Variants in SAMD5 observed in about 807,000 individuals in gnomAD.
The protein encoded by SAMD5 is sterile alpha motif domain-containing protein 5.
Under a neutral mutation model 11.3 loss-of-function variants are expected in SAMD5, and 13 were observed. The observed-to-expected ratio is 1.15, with a 90% CI of 0.75 to 1.83. SAMD5 has a LOEUF of 1.83. SAMD5 is among the 40% of genes most tolerant of loss of function. SAMD5 has a pLI of 0.00. For synonymous variants in SAMD5, 129 were observed against 111.3 expected, an observed-to-expected ratio of 1.16 and a Z score of -1.00; for missense variants, 255 against 239.1, an observed-to-expected ratio of 1.07 and a Z score of -0.44.
chr6:147,767,505 G>T, the SAMD5 span, among the ~76,000 whole-genome samples: 1 of 149,778 alleles, frequency 6.7e-6, no homozygotes, highest in Non-Finnish European at 1.5e-5. Flanking sequence ...CCCCAATATG[G>T]TATTTGGAGG....
At chr6:147,594,644 T>A (rs1262594145) in intron 1 of SAMD5, among the ~76,000 whole-genome samples, 1 of 151,732 alleles carries the variant, frequency 6.6e-6, no homozygotes, top group Non-Finnish European at 1.5e-5. Flanking sequence ...GACAGGAGGA[T>A]GGAGCAGGGG....
chr6:147,575,346 T>C (rs1453511529), intron 1 of SAMD5, among the ~76,000 whole-genome samples: 1 of 152,254 alleles, frequency 6.6e-6, no homozygotes, highest in East Asian at 1.9e-4. Context: ...CCAGAAGCTG[T>C]CTGCAGAAAG....
the SAMD5 span, among the ~76,000 whole-genome samples, chr6:147,808,765 T>C: frequency 6.6e-6 from 1 of 152,188 alleles, no homozygotes; most frequent in African/African-American, 2.4e-5. Flanking sequence ...TCATCAGCTG[T>C]ATATGAAACC....
rs1789111918 is a variant in SAMD5 at position 147,569,988 on chromosome 6, C to T, written c.*5532C>T. The T allele has an allele frequency of 4.1e-6, 4 of 984,740 alleles. No homozygotes were observed. Among genetic ancestry groups the T allele is most frequent in the Admixed American group, 6.1e-5 (1 of 16,262 alleles). 61.0% of individuals were successfully genotyped at this position (984,740 alleles called of 1,614,324 possible). A position where few individuals can be genotyped will look rare whatever the true frequency, so the allele number is the denominator to read the frequency against. On this transcript the variant is annotated 3_prime_UTR_variant, in exon 2 of 2. Transcript: ENST00000367474. ...CACACTGTGATTTGCAAACATATGT[C>T]CGCTCTTCAATAAATGTTACGGCTT...
chr6:147,626,439 CT>C (rs984137422), intron 1 of SAMD5, among the ~76,000 whole-genome samples: 21 of 150,398 alleles, frequency 1.4e-4, no homozygotes, highest in African/African-American at 5.1e-4. Context: ...ATTTTCTGAT[CT>C]ATGTTTTTGT....
intron 1 of SAMD5, among the ~76,000 whole-genome samples, chr6:147,683,085 C>A (rs559098600): frequency 3.5e-4 from 54 of 152,272 alleles, no homozygotes; most frequent in African/African-American, 1.3e-3. Context: ...TCATCCATAT[C>A]CCCAACTCTG....
chr6:147,856,804 T>C, the SAMD5 span, among the ~76,000 whole-genome samples: 2 of 126,944 alleles, frequency 1.6e-5, no homozygotes, highest in African/African-American at 7.2e-5. Flanking sequence ...GCTTAATGAC[T>C]TAGTTTTCTG....
intron 1 of SAMD5, among the ~76,000 whole-genome samples, chr6:147,547,849 A>C (rs532938985): frequency 1.3e-5 from 2 of 152,314 alleles, no homozygotes; most frequent in Non-Finnish European, 2.9e-5. Flanking sequence ...TTTTTCATGG[A>C]ACCTGTAGTT....
chr6:147,834,378 T>C, the SAMD5 span, among the ~76,000 whole-genome samples: 1 of 152,236 alleles, frequency 6.6e-6, no homozygotes, highest in Non-Finnish European at 1.5e-5. Flanking sequence ...TGTTATTGTT[T>C]TGAAGAAGCA....
At position 147,567,939 on chromosome 6, in the gene SAMD5, A is replaced by ACAAAG; in HGVS notation, c.*3487_*3488insGCAAA. 1.0e-6 allele frequency: 1 copy of ACAAAG among 986,076 alleles called. No homozygotes were observed. The highest frequency in any genetic ancestry group is 1.2e-6 in the Non-Finnish European group (1 of 830,486). The allele number at this position is 986,076 out of a possible 1,614,324, so 61.1% of individuals were successfully genotyped here. A position where few individuals can be genotyped will look rare whatever the true frequency, so the allele number is the denominator to read the frequency against. ...CCGTCTCAAAACAAAACAAAACAAAACAAAACAGCAAATTCATAAAGGCCA... is the reference window on the plus strand; with the variant it reads ...CCGTCTCAAAACAAAACAAAACAAAACAAAGCAAAACAGCAAATTCATAAAGGCCA... On this transcript the variant is annotated 3_prime_UTR_variant, in exon 2 of 2. Transcript: ENST00000367474.
At chr6:147,720,076 G>T (rs1274004947) in intron 1 of SAMD5, among the ~76,000 whole-genome samples, 2 of 152,172 alleles carry the variant, frequency 1.3e-5, no homozygotes, top group African/African-American at 4.8e-5. Flanking sequence ...ATGCAGAATT[G>T]CAATGACTGT....
chr6:147,778,066 T>G, the SAMD5 span, among the ~76,000 whole-genome samples: 1 of 152,216 alleles, frequency 6.6e-6, no homozygotes, highest in East Asian at 1.9e-4. Context: ...GCAGTTACTT[T>G]TTCACAGTTT....
chr6:147,807,084 TTTTTG>T, the SAMD5 span, among the ~76,000 whole-genome samples: 1 of 152,056 alleles, frequency 6.6e-6, no homozygotes, highest in African/African-American at 2.4e-5. Context: ...CTGTTGTTTT[TTTTTG>T]TTTTGTTTTG....
the SAMD5 span, among the ~76,000 whole-genome samples, chr6:147,836,260 C>T: frequency 1.6e-3 from 245 of 152,282 alleles, no homozygotes; most frequent in South Asian, 3.3e-3. Flanking sequence ...GATTACTCTT[C>T]CAAGTTCTAT....
intron 1 of SAMD5, among the ~76,000 whole-genome samples, chr6:147,510,341 C>A (rs143578458): frequency 0.018 from 2,729 of 152,276 alleles, 48 homozygotes; most frequent in Non-Finnish European, 0.023. Flanking sequence ...CTAGTTCAGG[C>A]GGCTGTCGGA....
chr6:147,594,218 AT>A (rs1339846237), intron 1 of SAMD5, among the ~76,000 whole-genome samples: 1 of 152,154 alleles, frequency 6.6e-6, no homozygotes, highest in African/African-American at 2.4e-5. Context: ...CCATTTGTGA[AT>A]TGTCAATAGC....
the SAMD5 span, among the ~76,000 whole-genome samples, chr6:147,922,964 C>T: frequency 0.011 from 1,711 of 152,154 alleles, 18 homozygotes; most frequent in Non-Finnish European, 0.016. Context: ...CCAACTCTGC[C>T]CCTGCACCCC....
At chr6:147,858,508 A>G in the SAMD5 span, among the ~76,000 whole-genome samples, 1 of 152,196 alleles carries the variant, frequency 6.6e-6, no homozygotes, top group African/African-American at 2.4e-5. Context: ...GATATTGTAC[A>G]CTTGGATAAT....
At chr6:147,519,639 A>C (rs1454066113) in intron 1 of SAMD5, among the ~76,000 whole-genome samples, 1 of 152,236 alleles carries the variant, frequency 6.6e-6, no homozygotes, top group African/African-American at 2.4e-5. Context: ...GTTTAACTCA[A>C]GAATATGTAG....
Sources: gnomAD v4.1 joint callset for allele counts (sites outside exome capture counted in the v4.1 genomes callset) on GRCh38, gnomAD v4.1.1 for gene constraint, MANE v1.5 for transcripts, NCBI Gene and HGNC (gene_info 2026-07-23, HGNC 2026-07-21) for gene names.